The following SLC25A43 variants were observed in gnomAD, a reference collection of about 807,000 sequenced individuals.
SLC25A43 encodes solute carrier family 25, member 43.
SLC25A43 carries 10 observed loss-of-function variants against 22.8 expected under a neutral mutation model. The observed-to-expected ratio is 0.44, with a 90% CI of 0.27 to 0.74. The LOEUF (loss-of-function observed/expected upper bound fraction) is 0.74, where lower values mean the gene tolerates loss of function less well. Among genes scored for constraint, SLC25A43 ranks in the 30% least tolerant of loss-of-function variants. SLC25A43 has a pLI of 0.17. For missense variants in SLC25A43, 233 were observed against 279.1 expected (o/e 0.83, Z 1.18); for synonymous variants, 106 against 121.6 (o/e 0.87, Z 0.84).
intron 3 of SLC25A43, among the ~76,000 whole-genome samples, chrX:119,441,428 T>C (rs2052621716): frequency 9.4e-6 from 1 of 106,243 alleles, no homozygotes; most frequent in African/African-American, 3.4e-5. Flanking sequence ...ATCACCGTCT[T>C]CTGCGTCGCT....
At chrX:119,419,259 G>A (rs976809172) in intron 3 of SLC25A43, among the ~76,000 whole-genome samples, 3 of 111,440 alleles carry the variant, frequency 2.7e-5, no homozygotes, top group Non-Finnish European at 5.7e-5. Flanking sequence ...CCCATATTAG[G>A]TGTCTCCATT....
chrX:119,399,722 G>A, intron 1 of SLC25A43, 44 bp downstream of exon 1: 1 of 977,255 alleles, frequency 1.0e-6, no homozygotes, highest in Non-Finnish European at 1.3e-6. Flanking sequence ...CCGGACGGGG[G>A]TGGGGTGGGG....
Position 119,454,341 on chromosome X carries a change from T to TTTGACAA in SLC25A43, c.*1276_*1277insTTGACAA, listed in dbSNP as rs2052727060. 1 of 112,648 alleles carries TTTGACAA rather than the reference T, an allele frequency of 8.9e-6. No homozygotes were observed. The highest frequency in any genetic ancestry group is 2.8e-4 in the East Asian group (1 of 3,631). The allele number at this position is 112,648 out of a possible 1,213,427, so 9.3% of individuals were successfully genotyped here. A position where few individuals can be genotyped will look rare whatever the true frequency, so the allele number is the denominator to read the frequency against. On this transcript the variant is annotated 3_prime_UTR_variant, in exon 5 of 5. Transcript: ENST00000217909. The stretch of plus-strand genomic sequence containing the variant: ...ATAACTATACTTGTCAAATAGCACC[T>TTTGACAA]ATCTATGCATTTAAAAATGCATTAA...
rs192056391 is a variant in SLC25A43, at chrX:119,432,579, A to G, written c.691-19430A>G. 5.5e-5 allele frequency among the ~76,000 whole-genome samples: 6 copies of G among 110,038 alleles called. No homozygotes were observed. The East Asian group carries it at 1.7e-3, about 32-fold the overall frequency. ...CAAGGCAGGCAGATCACTTGAGGCC[A>G]GGATTTCGAGACCAGCCTGGCCAAC... On this transcript the variant is annotated intron_variant, in intron 3 of 4. Coordinates refer to ENST00000217909, the MANE Select transcript of SLC25A43 (RefSeq NM_145305.3).
chrX:119,445,166 C>T (rs2052658079), intron 3 of SLC25A43, among the ~76,000 whole-genome samples: 1 of 110,106 alleles, frequency 9.1e-6, no homozygotes, highest in South Asian at 3.9e-4. Flanking sequence ...GATTCGCACT[C>T]TACCTAGGCT....
At chrX:119,445,333 T>C (rs1360062426) in intron 3 of SLC25A43, among the ~76,000 whole-genome samples, 2 of 112,047 alleles carry the variant, frequency 1.8e-5, no homozygotes. Flanking sequence ...ACTTCCCCCC[T>C]ATACATACCC....
At chrX:119,405,549 A>G (rs1225156048) in intron 1 of SLC25A43, among the ~76,000 whole-genome samples, 1 of 91,787 alleles carries the variant, frequency 1.1e-5, no homozygotes, top group East Asian at 3.7e-4. Flanking sequence ...ACTTGAGCCC[A>G]GGAGTTTGAG....
At chrX:119,412,655 C>T (rs1461345757) in intron 3 of SLC25A43, among the ~76,000 whole-genome samples, 1 of 112,154 alleles carries the variant, frequency 8.9e-6, no homozygotes, top group Non-Finnish European at 1.9e-5. Context: ...GGATTATAGG[C>T]ATGAGCCACT....
intron 3 of SLC25A43, among the ~76,000 whole-genome samples, chrX:119,447,431 C>T (rs1464737562): frequency 9.0e-6 from 1 of 110,827 alleles, no homozygotes; most frequent in African/African-American, 3.3e-5. Flanking sequence ...TCAGCCCCCC[C>T]AAGTAACTGG....
chrX:119,408,356 T>A (rs2052316528), intron 2 of SLC25A43, among the ~76,000 whole-genome samples: 1 of 111,957 alleles, frequency 8.9e-6, no homozygotes, highest in Admixed American at 9.5e-5. Flanking sequence ...AGTTCTCTCT[T>A]TCATCAAGTC....
chrX:119,433,419 A>G (rs1030380193), intron 3 of SLC25A43, among the ~76,000 whole-genome samples: 2 of 112,082 alleles, frequency 1.8e-5, no homozygotes, highest in African/African-American at 6.5e-5. Context: ...TTACAGCAAC[A>G]TCTAGACTAG....
intron 3 of SLC25A43, among the ~76,000 whole-genome samples, chrX:119,447,142 C>G (rs1378446534): frequency 9.0e-6 from 1 of 110,947 alleles, no homozygotes; most frequent in African/African-American, 3.3e-5. Context: ...TTAGCAGAGA[C>G]AGGGTTTTGC....
chrX:119,450,279 A>G (rs1341768905), intron 3 of SLC25A43, among the ~76,000 whole-genome samples: 1 of 111,838 alleles, frequency 8.9e-6, no homozygotes, highest in African/African-American at 3.2e-5. Flanking sequence ...TAAGAAATCC[A>G]GTAATAATAT....
At chrX:119,447,180 C>G (rs2052675115) in intron 3 of SLC25A43, among the ~76,000 whole-genome samples, 1 of 111,983 alleles carries the variant, frequency 8.9e-6, no homozygotes, top group African/African-American at 3.2e-5. Context: ...TCTCTAACTC[C>G]TGACCTCAGG....
At chrX:119,428,929 A>T (rs146651224) in intron 3 of SLC25A43, among the ~76,000 whole-genome samples, 6,275 of 111,244 alleles carry the variant, frequency 0.056, 170 homozygotes, top group South Asian at 0.11. Flanking sequence ...TCATCCCAAA[A>T]CCATTCCCCC....
At chrX:119,444,502 G>A (rs12388797) in intron 3 of SLC25A43, among the ~76,000 whole-genome samples, 48,730 of 103,805 alleles carry the variant, frequency 0.47, 8,550 homozygotes, top group East Asian at 0.55. Context: ...TCGAGAGATC[G>A]AGATCACCCT....
chrX:119,413,830 C>A (rs1196357646), intron 3 of SLC25A43, among the ~76,000 whole-genome samples: 1 of 110,412 alleles, frequency 9.1e-6, no homozygotes. Context: ...AAATATGTAA[C>A]AATTTCTCCT....
intron 3 of SLC25A43, among the ~76,000 whole-genome samples, chrX:119,417,358 G>A (rs779942047): frequency 9.0e-6 from 1 of 110,923 alleles, no homozygotes; most frequent in East Asian, 2.8e-4. Context: ...CCTGGGAGGC[G>A]GAGGTTGCAG....
chrX:119,435,457 C>CTT (rs1175233726), intron 3 of SLC25A43, among the ~76,000 whole-genome samples: 3,104 of 54,504 alleles, frequency 0.057, 83 homozygotes, highest in African/African-American at 0.07. Flanking sequence ...AGATTTTATT[C>CTT]TTTTTTTTTT....
Sources: allele counts gnomAD v4.1 joint callset (sites outside exome capture counted in the v4.1 genomes callset), GRCh38; gene constraint gnomAD v4.1.1; transcripts MANE v1.5; gene names NCBI Gene and HGNC (gene_info 2026-07-23, HGNC 2026-07-21).